Variants in DMXL1 observed in about 807,000 individuals in gnomAD.
The protein encoded by DMXL1 is Dmx like 1, also known as dmX-like protein 1.
A neutral mutation model predicts 319.2 loss-of-function variants in DMXL1; 99 were observed. The ratio of observed to expected loss-of-function variants is 0.31; its 90% CI spans 0.26 to 0.37. The LOEUF (loss-of-function observed/expected upper bound fraction) is 0.37, where lower values mean the gene tolerates loss of function less well. Among genes scored for constraint, DMXL1 ranks in the 10% least tolerant of loss-of-function variants. DMXL1 has a pLI of 1.00. For missense variants in DMXL1, 3,745 were observed against 3,595.6 expected (o/e 1.04, Z -1.06); for synonymous variants, 1,385 against 1,235.2 (o/e 1.12, Z -2.54).
In DMXL1 at chr5:119,143,897, A is replaced by G. The variant is rs1767958010; in HGVS notation, c.2433A>G (p.Gly811=). 6.3e-7 allele frequency: 1 copy of G among 1,588,468 alleles called. No homozygotes were observed. The highest frequency in any genetic ancestry group is 8.6e-7 in the Non-Finnish European group (1 of 1,167,874). The stretch of plus-strand genomic sequence containing the variant: ...GTCAACAATCAACAGCCAGGCCAGG[A>G]TGCATTATTGCATTAGATCCCATTA... ...IVSQQSTARP[G]CIIALDPITK... The change falls in exon 14 of 44, where the codon GGA becomes GGG. Residue 811 remains glycine, a synonymous_variant. Transcript: ENST00000539542.
chr5:119,233,314 G>T, intron 38 of DMXL1, 26 bp from the exon 39 acceptor site: 3 of 1,591,196 alleles, frequency 1.9e-6, no homozygotes, highest in Non-Finnish European at 2.6e-6. Flanking sequence ...AAATAAATCT[G>T]CAATTTTTGC....
chr5:119,202,832 A>C (rs1225724830), intron 32 of DMXL1, among the ~76,000 whole-genome samples: 1 of 145,196 alleles, frequency 6.9e-6, no homozygotes, highest in African/African-American at 2.6e-5. Context: ...GTCTGGGCCA[A>C]AGATTGAGAT....
intron 38 of DMXL1, among the ~76,000 whole-genome samples, chr5:119,227,501 T>A (rs1035295678): frequency 2.0e-5 from 3 of 152,168 alleles, no homozygotes; most frequent in Non-Finnish European, 4.4e-5. Context: ...TTTCTTGAGG[T>A]CCTCAGAAAA....
At chr5:119,220,309 C>T (rs1784437800) in intron 35 of DMXL1, among the ~76,000 whole-genome samples, 163 bp from the exon 36 acceptor site, 1 of 152,144 alleles carries the variant, frequency 6.6e-6, no homozygotes, top group Non-Finnish European at 1.5e-5. Flanking sequence ...AAACGTATCT[C>T]CAAACTGAAG....
At chr5:119,181,960 A>G (rs1162278021) in intron 28 of DMXL1, among the ~76,000 whole-genome samples, 1 of 152,236 alleles carries the variant, frequency 6.6e-6, no homozygotes, top group Non-Finnish European at 1.5e-5. Context: ...ACAAGGAACT[A>G]CTAGCAGCAT....
rs1230105091 is a variant in DMXL1 at position 119,150,286 on chromosome 5, C to T, written c.4459C>T (p.Gln1487Ter). ...GACTTACTTTGGACCTGAGCATGCT[C>T]AGGTTCTTTCTGGCCACTTACTTCA... ...SPTYFGPEHA[Q>*]VLSGHLLHSS... Residue 1487 changes from glutamine to a stop codon, truncating the protein, a stop_gained, in exon 18 of 44, where the codon CAG becomes TAG. Transcript: ENST00000539542. LOFTEE classifies it high-confidence loss of function. 1 of 1,613,620 alleles carries T rather than the reference C, an allele frequency of 6.2e-7. No individual in the cohort carries two copies. The highest frequency in any genetic ancestry group is 8.5e-7 in the Non-Finnish European group (1 of 1,179,838).
intron 7 of DMXL1, among the ~76,000 whole-genome samples, chr5:119,117,669 C>T (rs952756872): frequency 3.3e-5 from 5 of 151,188 alleles, no homozygotes; most frequent in South Asian, 4.2e-4. Context: ...GAGAGAAGCC[C>T]GGAGAGGAGG....
chr5:119,210,196 C>T (rs537258915), intron 34 of DMXL1, among the ~76,000 whole-genome samples: 4 of 152,236 alleles, frequency 2.6e-5, no homozygotes, highest in Non-Finnish European at 4.4e-5. Flanking sequence ...AGTGATCTGC[C>T]CACCTCGGCC....
At chr5:119,111,955 ATAT>A (rs1357061993) in intron 5 of DMXL1, among the ~76,000 whole-genome samples, 2 of 151,886 alleles carry the variant, frequency 1.3e-5, no homozygotes, top group Non-Finnish European at 2.9e-5. Context: ...AGTACAGTTG[ATAT>A]TATCTTTATT....
chr5:119,176,486 C>CT (rs1290632862), intron 26 of DMXL1, among the ~76,000 whole-genome samples: 1 of 151,922 alleles, frequency 6.6e-6, no homozygotes, highest in Non-Finnish European at 1.5e-5. Flanking sequence ...TTTTCATTAA[C>CT]TTCTTTTTAT....
intron 7 of DMXL1, 114 bp downstream of exon 7, chr5:119,116,450 AT>A: frequency 8.8e-7 from 1 of 1,141,794 alleles, no homozygotes; most frequent in Non-Finnish European, 1.3e-6. Flanking sequence ...GCCTATGAAG[AT>A]TAGAGTAATA....
chr5:119,165,208 A>G lies in DMXL1; in HGVS notation c.4898A>G (p.Lys1633Arg), dbSNP rs1773162271. The G allele has an allele frequency of 6.2e-7, 1 of 1,603,960 alleles. No homozygotes were observed. Among genetic ancestry groups the G allele is most frequent in the East Asian group, 2.2e-5 (1 of 44,550 alleles). The change falls in exon 21 of 44, where the codon AAG (lysine) becomes AGG (arginine). Residue 1633 changes from lysine to arginine, a missense_variant. Transcript: ENST00000539542. The part of the protein sequence containing the change: ...EKVAKAAFYR[K>R]NDPLDAAIFY... ...GTAGCTAAAGCAGCCTTTTATAGAA[A>G]GAATGATCCTTTAGATGCTGCCATT... is the stretch of plus-strand genomic sequence containing the variant.
At chr5:119,107,541 A>C (rs1758625812) in intron 4 of DMXL1, among the ~76,000 whole-genome samples, 1 of 152,118 alleles carries the variant, frequency 6.6e-6, no homozygotes, top group Non-Finnish European at 1.5e-5. Flanking sequence ...TAATATCTGT[A>C]ATTTAATATC....
intron 21 of DMXL1, among the ~76,000 whole-genome samples, 171 bp downstream of exon 21, chr5:119,165,451 A>T (rs953031583): frequency 3.9e-5 from 6 of 152,238 alleles, no homozygotes; most frequent in African/African-American, 1.4e-4. Flanking sequence ...AGTGTTTTTC[A>T]GAGTGGAAGA....
At chr5:119,203,752 A>AG (rs1175562546) in intron 33 of DMXL1, among the ~76,000 whole-genome samples, 1 of 152,206 alleles carries the variant, frequency 6.6e-6, no homozygotes, top group Non-Finnish European at 1.5e-5. Flanking sequence ...AGTTAAAAGA[A>AG]GTCTATCTTA....
At chr5:119,238,458 G>C (rs535253031) in intron 40 of DMXL1, among the ~76,000 whole-genome samples, 46 of 152,158 alleles carry the variant, frequency 3.0e-4, no homozygotes, top group African/African-American at 1.1e-3. Context: ...TTCTAATTTT[G>C]ATGACTATTA....
At chr5:119,128,679 G>A (rs548604339) in intron 9 of DMXL1, among the ~76,000 whole-genome samples, 1 of 152,198 alleles carries the variant, frequency 6.6e-6, no homozygotes, top group Non-Finnish European at 1.5e-5. Flanking sequence ...TGTTGATAAT[G>A]TGGGAGGCTA....
chr5:119,207,809 A>T (rs1460590463), intron 34 of DMXL1, among the ~76,000 whole-genome samples: 1 of 152,194 alleles, frequency 6.6e-6, no homozygotes, highest in Non-Finnish European at 1.5e-5. Flanking sequence ...GGCGTGAGCC[A>T]CCGCGCCTGG....
intron 1 of DMXL1, chr5:119,081,483 C>A: frequency 1.3e-6 from 1 of 789,358 alleles, no homozygotes; most frequent in Non-Finnish European, 1.5e-6. Context: ...GTAAAAACTG[C>A]TTGAGAACAT....
Sources: allele counts gnomAD v4.1 joint callset (sites outside exome capture counted in the v4.1 genomes callset), GRCh38; gene constraint gnomAD v4.1.1; transcripts MANE v1.5; gene names NCBI Gene and HGNC (gene_info 2026-07-23, HGNC 2026-07-21).